Variants in LMO7 observed in about 807,000 individuals in gnomAD.
The protein encoded by LMO7 is LIM domain 7.
Under a neutral mutation model 206.5 loss-of-function variants are expected in LMO7, and 120 were observed. The observed-to-expected ratio is 0.58, with a 90% CI of 0.50 to 0.68. The LOEUF (loss-of-function observed/expected upper bound fraction) is 0.68. LMO7 is among the 30% of genes least tolerant of loss of function. The pLI, the probability that LMO7 is intolerant of heterozygous loss-of-function variation, is 0.00. For synonymous variants in LMO7, 706 were observed against 681.5 expected, an observed-to-expected ratio of 1.04 and a Z score of -0.56; for missense variants, 1,959 against 1,957.9, an observed-to-expected ratio of 1.00 and a Z score of -0.01.
At chr13:75,831,199 A>G (rs1415566406) in intron 15 of LMO7, among the ~76,000 whole-genome samples, 3 of 152,160 alleles carry the variant, frequency 2.0e-5, no homozygotes, top group Non-Finnish European at 4.4e-5. Flanking sequence ...TTCCACATTT[A>G]AACTGCTTTA....
At chr13:75,838,091 G>C (rs1427265748) in intron 19 of LMO7, 49 bp from the exon 20 acceptor site, 8 of 1,107,552 alleles carry the variant, frequency 7.2e-6, no homozygotes, top group African/African-American at 1.6e-5. Context: ...ATTTACCAAT[G>C]GTGAGAAATA....
At chr13:75,778,208 C>T (rs1345595329) in intron 4 of LMO7, among the ~76,000 whole-genome samples, 1 of 151,960 alleles carries the variant, frequency 6.6e-6, no homozygotes, top group African/African-American at 2.4e-5. Context: ...TCTGTGGACT[C>T]AAGATCTGTG....
At chr13:75,794,812 C>T (rs1268620900) in intron 4 of LMO7, among the ~76,000 whole-genome samples, 1 of 152,130 alleles carries the variant, frequency 6.6e-6, no homozygotes, top group East Asian at 1.9e-4. Flanking sequence ...TCTTATAATA[C>T]AGTGAAGTTT....
At chr13:75,795,365 C>A in intron 4 of LMO7, 36 bp from the exon 5 acceptor site, 1 of 1,424,556 alleles carries the variant, frequency 7.0e-7, no homozygotes, top group Non-Finnish European at 9.7e-7. Flanking sequence ...TTAAGGTTCA[C>A]GGATATTACC....
chr13:75,746,629 C>T (rs1408344776), intron 3 of LMO7, among the ~76,000 whole-genome samples: 1 of 152,168 alleles, frequency 6.6e-6, no homozygotes, highest in Non-Finnish European at 1.5e-5. Context: ...TCCCCTAAAG[C>T]GACCATTATA....
At chr13:75,795,284 C>A (rs1306126203) in intron 4 of LMO7, 117 bp from the exon 5 acceptor site, 2 of 684,180 alleles carry the variant, frequency 2.9e-6, no homozygotes, top group Admixed American at 2.9e-5. Flanking sequence ...GAGATTTGGA[C>A]TTCCATGTGA....
At chr13:75,730,592 T>C (rs1345668278) in intron 3 of LMO7, among the ~76,000 whole-genome samples, 2 of 149,928 alleles carry the variant, frequency 1.3e-5, no homozygotes, top group African/African-American at 2.5e-5. Context: ...CCTGGATTCA[T>C]TAATTTTTTG....
rs2061135014 is a variant in LMO7, at chr13:75,858,624, TG to T, written c.*683del. The T allele has an allele frequency of 6.5e-6, 1 of 152,754 alleles. No homozygotes were observed. The highest frequency in any genetic ancestry group is 1.9e-4 in the East Asian group (1 of 5,186). The allele number at this position is 152,754 out of a possible 1,614,324, so 9.5% of individuals were successfully genotyped here. On this transcript the variant is annotated 3_prime_UTR_variant, in exon 31 of 31. Transcript: ENST00000377534. ...TATACTAGAAGTCTTCTTCAGAAACTGGTGAGCCTTTCTGTTCAATTGCATT... is the reference window on the plus strand; with the variant it reads ...TATACTAGAAGTCTTCTTCAGAAACTGTGAGCCTTTCTGTTCAATTGCATT...
intron 3 of LMO7, among the ~76,000 whole-genome samples, chr13:75,746,763 CT>C (rs770902599): frequency 6.6e-6 from 1 of 151,976 alleles, no homozygotes; most frequent in Non-Finnish European, 1.5e-5. Flanking sequence ...CTTCAGGCAT[CT>C]TTTTTTAATT....
intron 25 of LMO7, among the ~76,000 whole-genome samples, chr13:75,843,781 G>T (rs1279587016): frequency 6.6e-6 from 1 of 152,146 alleles, no homozygotes; most frequent in Non-Finnish European, 1.5e-5. Flanking sequence ...AATATTGAGG[G>T]TAGGGCCATT....
At chr13:75,635,384 A>G (rs1483916857), upstream of LMO7, among the ~76,000 whole-genome samples, 1 of 152,026 alleles carries the variant, frequency 6.6e-6, no homozygotes, top group Non-Finnish European at 1.5e-5. Context: ...ACCTGATTTG[A>G]GCACTGGTGT....
chr13:75,758,750 A>G (rs1041191188), intron 3 of LMO7, among the ~76,000 whole-genome samples: 2 of 152,224 alleles, frequency 1.3e-5, no homozygotes, highest in Non-Finnish European at 2.9e-5. Flanking sequence ...TGTATGAAAT[A>G]TGTGAAGAAT....
intron 4 of LMO7, among the ~76,000 whole-genome samples, chr13:75,786,981 T>C (rs2052544777): frequency 6.6e-6 from 1 of 152,234 alleles, no homozygotes; most frequent in Admixed American, 6.5e-5. Context: ...TGAAGTGTTT[T>C]CTGGTTGGGA....
At chr13:75,632,305 C>CA (rs1277278917), upstream of LMO7, among the ~76,000 whole-genome samples, 1 of 152,168 alleles carries the variant, frequency 6.6e-6, no homozygotes, top group Non-Finnish European at 1.5e-5. Flanking sequence ...AGAGGCCAAG[C>CA]AGTGATTGGT....
chr13:75,635,065 T>G (rs916442495), upstream of LMO7, among the ~76,000 whole-genome samples: 1 of 151,364 alleles, frequency 6.6e-6, no homozygotes, highest in African/African-American at 2.4e-5. Flanking sequence ...TAAATACAAT[T>G]TAAAAAATTA....
At chr13:75,665,968 G>T (rs559330677) in intron 1 of LMO7, among the ~76,000 whole-genome samples, 18 of 152,286 alleles carry the variant, frequency 1.2e-4, no homozygotes, top group African/African-American at 4.3e-4. Flanking sequence ...GTTATGAAAA[G>T]AAATGTTAGA....
chr13:75,776,193 A>ATATATATATT, intron 4 of LMO7, among the ~76,000 whole-genome samples: 1 of 98,244 alleles, frequency 1.0e-5, no homozygotes, highest in South Asian at 3.0e-4. Flanking sequence ...ATATATATAT[A>ATATATATATT]TATATATATA....
rs867722258 is a variant in LMO7, at chr13:75,856,540, C to T, written c.4805C>T (p.Ser1602Phe). 3.1e-6 allele frequency: 5 copies of T among 1,611,858 alleles called. No homozygotes were observed. Among genetic ancestry groups the T allele is most frequent in the Non-Finnish European group, 4.2e-6 (5 of 1,178,514 alleles). ...VACECDLGGSSSGAEVRIRNH... is the reference protein window; with the variant it reads ...VACECDLGGSFSGAEVRIRNH... ...TGTGAGTGTGACCTCGGAGGCTCTT[C>T]CTCAGGAGCTGAAGTCAGGATCAGA... The change falls in exon 30 of 31, where the codon TCC becomes TTC. Residue 1602 changes from serine to phenylalanine, a missense_variant. By Grantham distance (155) the Ser-to-Phe change is radical (BLOSUM62 -2). Coordinates refer to ENST00000377534, the MANE Select transcript of LMO7 (RefSeq NM_001306080.2).
At chr13:75,676,146 T>C (rs2039997897) in intron 1 of LMO7, among the ~76,000 whole-genome samples, 1 of 152,222 alleles carries the variant, frequency 6.6e-6, no homozygotes, top group Non-Finnish European at 1.5e-5. Flanking sequence ...GTTGAGTAGA[T>C]GAATAAAATT....
Sources: allele counts gnomAD v4.1 joint callset (sites outside exome capture counted in the v4.1 genomes callset), GRCh38; gene constraint gnomAD v4.1.1; transcripts MANE v1.5; gene names NCBI Gene and HGNC (gene_info 2026-07-23, HGNC 2026-07-21).